UBE2E2: variants seen among roughly 807,000 people sequenced by gnomAD.
UBE2E2 encodes ubiquitin conjugating enzyme E2 E2, also known as ubiquitin-conjugating enzyme E2 E2.
Under a neutral mutation model 24.7 loss-of-function variants are expected in UBE2E2, and 6 were observed. The ratio of observed to expected loss-of-function variants is 0.24; its 90% CI spans 0.13 to 0.48. The LOEUF (loss-of-function observed/expected upper bound fraction) is 0.48. Ranked by LOEUF, UBE2E2 falls within the 20% of genes least tolerant of loss-of-function variation. The pLI, the probability that UBE2E2 is intolerant of heterozygous loss-of-function variation, is 0.99. For synonymous variants in UBE2E2, 104 were observed against 83.6 expected, an observed-to-expected ratio of 1.24 and a Z score of -1.33; for missense variants, 169 against 245.0, an observed-to-expected ratio of 0.69 and a Z score of 2.07.
chr3:23,424,440 T>C (rs1438047696), intron 3 of UBE2E2, among the ~76,000 whole-genome samples: 1 of 80,730 alleles, frequency 1.2e-5, no homozygotes, highest in South Asian at 4.2e-4. Context: ...AACACCTTTG[T>C]TTTTTTTTTT....
At chr3:23,418,289 G>A (rs1217076017) in intron 3 of UBE2E2, among the ~76,000 whole-genome samples, 2 of 152,158 alleles carry the variant, frequency 1.3e-5, no homozygotes, top group African/African-American at 2.4e-5. Flanking sequence ...AGTTCCTCAC[G>A]GCTTACCTTG....
Position 23,474,851 on chromosome 3 carries a change from C to T in UBE2E2, c.228-24757C>T, listed in dbSNP as rs1456985052. Among the ~76,000 whole-genome samples, 1 of 152,002 alleles carries T rather than the reference C, an allele frequency of 6.6e-6. No individual in the cohort carries two copies. Among genetic ancestry groups the T allele is most frequent in the Non-Finnish European group, 1.5e-5 (1 of 68,024 alleles). The stretch of plus-strand genomic sequence containing the variant: ...CCCCGCCCTTCTTATCCCCCATTCA[C>T]ATTCCTCTCTAGCTTTTCACATCCA... On this transcript the variant is annotated intron_variant, in intron 3 of 5. Coordinates refer to ENST00000396703, the MANE Select transcript of UBE2E2 (RefSeq NM_152653.4). The surrounding 1 kb of genome is among the most constrained non-coding windows in gnomAD (Gnocchi z 4.0).
intron 3 of UBE2E2, among the ~76,000 whole-genome samples, chr3:23,272,151 G>C (rs1698261058): frequency 6.6e-6 from 1 of 152,202 alleles, no homozygotes; most frequent in Non-Finnish European, 1.5e-5. Flanking sequence ...GCGGGCTGCA[G>C]GTCCCGAGCC....
intron 3 of UBE2E2, among the ~76,000 whole-genome samples, chr3:23,263,317 TAC>T (rs1415701316): frequency 6.6e-6 from 1 of 152,244 alleles, no homozygotes; most frequent in African/African-American, 2.4e-5. Context: ...TTTGTGAAGA[TAC>T]TGTATTTAAC....
chr3:23,349,797 T>G (rs1210378658), intron 3 of UBE2E2, among the ~76,000 whole-genome samples: 2 of 152,208 alleles, frequency 1.3e-5, no homozygotes, highest in Non-Finnish European at 2.9e-5. Context: ...GCTCCACCCC[T>G]GGGGGCAGGG....
intron 3 of UBE2E2, among the ~76,000 whole-genome samples, chr3:23,389,101 CA>C (rs539595422): frequency 1.3e-3 from 192 of 152,220 alleles, no homozygotes; most frequent in Non-Finnish European, 2.0e-3. Context: ...CCTGGTCCCA[CA>C]GGGGCAGTGG....
intron 5 of UBE2E2, among the ~76,000 whole-genome samples, chr3:23,555,931 T>G (rs905949290): frequency 6.6e-6 from 1 of 151,934 alleles, no homozygotes; most frequent in Non-Finnish European, 1.5e-5. Flanking sequence ...AGTAGAAAGG[T>G]CTCGTGTGCA....
At chr3:23,291,683 CTTTTT>C (rs11308326) in intron 3 of UBE2E2, among the ~76,000 whole-genome samples, 69 of 95,034 alleles carry the variant, frequency 7.3e-4, no homozygotes, top group Non-Finnish European at 2.2e-4. Context: ...ATTTAAGGGG[CTTTTT>C]TTTTTTTTTT....
intron 2 of UBE2E2, among the ~76,000 whole-genome samples, chr3:23,213,560 A>T (rs548332062): frequency 1.3e-5 from 2 of 152,278 alleles, no homozygotes; most frequent in South Asian, 2.1e-4. Flanking sequence ...AACAATGGGC[A>T]GTTGCTGACT....
intron 3 of UBE2E2, among the ~76,000 whole-genome samples, chr3:23,262,769 TTTTA>T (rs1435320961): frequency 3.9e-5 from 6 of 152,186 alleles, no homozygotes; most frequent in African/African-American, 1.4e-4. Context: ...TTTTATGTAG[TTTTA>T]TTTGTTTATT....
chr3:23,460,451 A>G (rs1220076004), intron 3 of UBE2E2, among the ~76,000 whole-genome samples: 1 of 152,180 alleles, frequency 6.6e-6, no homozygotes, highest in East Asian at 1.9e-4. Context: ...CACCTACATT[A>G]TGGGTTACAT....
chr3:23,539,569 CCTTA>C (rs1397103985), intron 5 of UBE2E2, among the ~76,000 whole-genome samples: 3 of 152,124 alleles, frequency 2.0e-5, no homozygotes, highest in African/African-American at 4.8e-5. Context: ...ACTTCTGTTT[CCTTA>C]CTTCTAACGC....
At chr3:23,419,890 T>C (rs1040807619) in intron 3 of UBE2E2, among the ~76,000 whole-genome samples, 4 of 152,216 alleles carry the variant, frequency 2.6e-5, no homozygotes, top group Non-Finnish European at 5.9e-5. Flanking sequence ...TGCTCAGGTC[T>C]GCAGAAGTCC....
At position 23,346,537 on chromosome 3, in the gene UBE2E2, A is replaced by G. The variant is rs557159198; in HGVS notation, c.227+129225A>G. Among the ~76,000 whole-genome samples the G allele has an allele frequency of 8.4e-4, 128 of 152,350 alleles. 2 individuals carry two copies. Among genetic ancestry groups the G allele is most frequent in the African/African-American group, 2.9e-3 (122 of 41,584 alleles). On this transcript the variant is annotated intron_variant, in intron 3 of 5. Transcript: ENST00000396703. The stretch of plus-strand genomic sequence containing the variant: ...TTGGTGACATTTTAAAAGCTACACA[A>G]AAATTCATAATTATAAAAGTGTTCA...
intron 3 of UBE2E2, among the ~76,000 whole-genome samples, chr3:23,323,311 T>C (rs913381143): frequency 6.6e-6 from 1 of 152,164 alleles, no homozygotes; most frequent in African/African-American, 2.4e-5. Context: ...CCATTTATTT[T>C]TATGTTACTG....
At chr3:23,263,616 A>T (rs1697961374) in intron 3 of UBE2E2, among the ~76,000 whole-genome samples, 1 of 152,142 alleles carries the variant, frequency 6.6e-6, no homozygotes, top group South Asian at 2.1e-4. Flanking sequence ...TAAGAGCTAC[A>T]ATGATTTGAT....
chr3:23,493,746 G>A (rs952529778), intron 3 of UBE2E2, among the ~76,000 whole-genome samples: 1 of 152,126 alleles, frequency 6.6e-6, no homozygotes, highest in Admixed American at 6.5e-5. Context: ...TACATCATAA[G>A]ATTAGGTTAC....
At position 23,263,873 on chromosome 3, in the gene UBE2E2, G is replaced by T. The variant is rs1697967976; in HGVS notation, c.227+46561G>T. ...AATTTTGGCGAAACTGCATAGGTCA[G>T]TTGTATCTTAGAATAGATAAAAGCC... On this transcript the variant is annotated intron_variant, in intron 3 of 5. Coordinates refer to ENST00000396703, the MANE Select transcript of UBE2E2 (RefSeq NM_152653.4). Among the ~76,000 whole-genome samples, 8 of 152,242 alleles carry T rather than the reference G, an allele frequency of 5.3e-5. No individual in the cohort carries two copies. The South Asian group carries it at 1.7e-3, about 32-fold the overall frequency.
intron 3 of UBE2E2, among the ~76,000 whole-genome samples, chr3:23,422,270 G>A (rs546195052): frequency 1.8e-4 from 28 of 152,232 alleles, no homozygotes; most frequent in African/African-American, 6.7e-4. Context: ...GAGAGTAGGA[G>A]GTAAGTTGGC....
Sources: allele counts gnomAD v4.1 joint callset (sites outside exome capture counted in the v4.1 genomes callset), GRCh38; gene constraint gnomAD v4.1.1; non-coding constraint Gnocchi (gnomAD v3.1); transcripts MANE v1.5; gene names NCBI Gene and HGNC (gene_info 2026-07-23, HGNC 2026-07-21).